SQOR: variants seen among roughly 807,000 people sequenced by gnomAD.
SQOR encodes sulfide:quinone oxidoreductase, mitochondrial.
Under a neutral mutation model 48.6 loss-of-function variants are expected in SQOR, and 39 were observed. The ratio of observed to expected loss-of-function variants is 0.80; its 90% CI spans 0.62 to 1.05. SQOR has a LOEUF of 1.05. Ranked by LOEUF, SQOR falls within the 50% of genes least tolerant of loss-of-function variation. SQOR has a pLI of 0.00. For missense variants in SQOR, 561 were observed against 559.9 expected (o/e 1.00, Z -0.02); for synonymous variants, 220 against 206.2 (o/e 1.07, Z -0.57).
intron 6 of SQOR, among the ~76,000 whole-genome samples, chr15:45,679,857 C>G (rs550576570): frequency 6.6e-6 from 1 of 152,222 alleles, no homozygotes; most frequent in South Asian, 2.1e-4. Context: ...CGTGCTTTAC[C>G]CAGATCTACT....
intron 1 of SQOR, among the ~76,000 whole-genome samples, chr15:45,637,219 C>T (rs1484211172): frequency 6.6e-6 from 1 of 152,188 alleles, no homozygotes; most frequent in East Asian, 1.9e-4. Flanking sequence ...CTGCTGACCT[C>T]AAGTGATCTG....
intron 5 of SQOR, among the ~76,000 whole-genome samples, chr15:45,675,078 G>A (rs1890012803): frequency 6.6e-6 from 1 of 152,100 alleles, no homozygotes; most frequent in Admixed American, 6.6e-5. Context: ...GGTCATAAAG[G>A]GCTGGCACAG....
chr15:45,663,013 T>C (rs1291708367), intron 3 of SQOR, among the ~76,000 whole-genome samples: 1 of 152,206 alleles, frequency 6.6e-6, no homozygotes, highest in African/African-American at 2.4e-5. Context: ...CAGAGATTCA[T>C]CTGCTGAGGC....
chr15:45,655,980 T>C (rs574841454), intron 1 of SQOR, among the ~76,000 whole-genome samples: 84 of 150,632 alleles, frequency 5.6e-4, no homozygotes, highest in Middle Eastern at 3.4e-3. Flanking sequence ...CCACCGTGCC[T>C]GGCCTATTTT....
At chr15:45,674,012 A>G (rs1566921652) in intron 5 of SQOR, 1 of 573,002 alleles carries the variant, frequency 1.7e-6, no homozygotes, top group South Asian at 2.2e-5. Flanking sequence ...GCAGTTTTCA[A>G]TTTGACATGG....
At chr15:45,672,909 G>T (rs1393415048) in intron 4 of SQOR, among the ~76,000 whole-genome samples, 1 of 151,854 alleles carries the variant, frequency 6.6e-6, no homozygotes. Flanking sequence ...ATCTGAATCA[G>T]CTGGAGGGCT....
rs186151123 is a variant in SQOR at position 45,688,203 on chromosome 15, A to C, written c.1049-134A>C. 41 of 597,158 alleles carry C rather than the reference A, an allele frequency of 6.9e-5. No homozygotes were observed. The Admixed American group carries it at 1.5e-3, about 22-fold the overall frequency. The allele number at this position is 597,158 out of a possible 1,614,324, so 37.0% of individuals were successfully genotyped here. A position where few individuals can be genotyped will look rare whatever the true frequency, so the allele number is the denominator to read the frequency against. Reference sequence around the variant, plus strand: ...GGTAGTCAGAATTTCAATTAGTAAGAAGGTCATGTTCTAGTCACAGTCTTG... The same window carrying C: ...GGTAGTCAGAATTTCAATTAGTAAGCAGGTCATGTTCTAGTCACAGTCTTG... On this transcript the variant is annotated intron_variant, in intron 7 of 9. Coordinates refer to ENST00000260324, the MANE Select transcript of SQOR (RefSeq NM_021199.4).
At chr15:45,661,792 T>C (rs747843060) in intron 2 of SQOR, among the ~76,000 whole-genome samples, 163 bp from the exon 3 acceptor site, 25 of 152,182 alleles carry the variant, frequency 1.6e-4, no homozygotes, top group Non-Finnish European at 3.1e-4. Context: ...CTTACCATAA[T>C]AGGAGACGCC....
chr15:45,649,391 A>G (rs1889417503), intron 1 of SQOR, among the ~76,000 whole-genome samples: 1 of 152,264 alleles, frequency 6.6e-6, no homozygotes, highest in Non-Finnish European at 1.5e-5. Context: ...AATCTAACTT[A>G]AAAGCATAAT....
At chr15:45,689,307 G>C in intron 9 of SQOR, 90 bp downstream of exon 9, 1 of 1,307,476 alleles carries the variant, frequency 7.6e-7, no homozygotes, top group Admixed American at 2.0e-5. Context: ...TTCATTATTA[G>C]CAGTGACCAA....
chr15:45,634,011 C>T (rs1894947463), upstream of SQOR, among the ~76,000 whole-genome samples: 1 of 150,548 alleles, frequency 6.6e-6, no homozygotes, highest in Non-Finnish European at 1.5e-5. Context: ...CTCATCTCTA[C>T]TGAAACATAC....
intron 9 of SQOR, 56 bp downstream of exon 9, chr15:45,689,273 C>T (rs1261227970): frequency 5.8e-6 from 9 of 1,562,220 alleles, no homozygotes; most frequent in Admixed American, 1.7e-5. Flanking sequence ...ACATCTCCAC[C>T]CAAAGGGGAT....
chr15:45,662,093 A>T lies in SQOR; in HGVS notation c.373A>T (p.Lys125Ter). 1 of 1,614,234 alleles carries T rather than the reference A, an allele frequency of 6.2e-7. No individual in the cohort carries two copies. The highest frequency in any genetic ancestry group is 8.5e-7 in the Non-Finnish European group (1 of 1,180,044). Reference protein sequence around the residue: ...KARVTELNPDKNCIHTDDDEK... With the variant: ...KARVTELNPD ...TAGAGTGACTGAGTTGAACCCAGAC[A>T]AGAACTGCATTCACACAGATGACGA... is the stretch of plus-strand genomic sequence containing the variant. Residue 125 changes from lysine to a stop codon, truncating the protein, a stop_gained, in exon 3 of 10, where the codon AAG becomes TAG. Transcript: ENST00000260324. LOFTEE classifies it high-confidence loss of function.
chr15:45,685,302 C>T (rs1300237423), intron 7 of SQOR, among the ~76,000 whole-genome samples: 1 of 151,972 alleles, frequency 6.6e-6, no homozygotes, highest in East Asian at 1.9e-4. Flanking sequence ...TATCCCAAGG[C>T]AATGCTACAC....
At chr15:45,648,712 CCT>C (rs1211602462) in intron 1 of SQOR, among the ~76,000 whole-genome samples, 1 of 152,198 alleles carries the variant, frequency 6.6e-6, no homozygotes, top group Non-Finnish European at 1.5e-5. Flanking sequence ...TCATTCGTGC[CCT>C]GAGACAGGAA....
chr15:45,670,006 T>A, intron 4 of SQOR, 25 bp downstream of exon 4: 1 of 1,608,984 alleles, frequency 6.2e-7, no homozygotes, highest in Non-Finnish European at 8.5e-7. Flanking sequence ...TGTTTCTGTG[T>A]TACGCTGGCT....
At chr15:45,662,274 C>T in intron 3 of SQOR, 149 bp downstream of exon 3, 1 of 785,564 alleles carries the variant, frequency 1.3e-6, no homozygotes, top group South Asian at 1.8e-5. Flanking sequence ...CACAAGATGG[C>T]AGGGTATGTG....
rs1277545728 is a variant in SQOR, at chr15:45,673,602, T to C, written c.460-5T>C. Reference sequence around the variant, plus strand: ...TTAAAATAATTTTTGTGTACTTTGTTGCAGATTAAAGGCCTACCTGAAGGT... The same window carrying C: ...TTAAAATAATTTTTGTGTACTTTGTCGCAGATTAAAGGCCTACCTGAAGGT... On this transcript the variant is annotated splice_region_variant and splice_polypyrimidine_tract_variant and intron_variant, in intron 4 of 9. Transcript: ENST00000260324. The C allele has an allele frequency of 1.9e-6, 3 of 1,609,308 alleles. No individual in the cohort carries two copies. The highest frequency in any genetic ancestry group is 1.7e-6 in the Non-Finnish European group (2 of 1,177,432).
chr15:45,644,844 A>G (rs759182207), intron 1 of SQOR, among the ~76,000 whole-genome samples: 1 of 152,154 alleles, frequency 6.6e-6, no homozygotes. Flanking sequence ...GGCAGGGGAA[A>G]ATTGCCTCTT....
Sources: allele counts gnomAD v4.1 joint callset (sites outside exome capture counted in the v4.1 genomes callset), GRCh38; gene constraint gnomAD v4.1.1; transcripts MANE v1.5; gene names NCBI Gene and HGNC (gene_info 2026-07-23, HGNC 2026-07-21).